The following SNTG1 variants were observed in gnomAD, a reference collection of about 807,000 sequenced individuals.
SNTG1 encodes syntrophin gamma 1.
In SNTG1, 39 loss-of-function variants were observed where a neutral mutation model predicts 74.7. The observed-to-expected ratio is 0.52, with a 90% CI of 0.40 to 0.68. SNTG1 has a LOEUF of 0.68. Among genes scored for constraint, SNTG1 ranks in the 30% least tolerant of loss-of-function variants. The pLI is 0.00. For missense variants in SNTG1, 685 were observed against 609.5 expected (o/e 1.12, Z -1.30); for synonymous variants, 254 against 217.1 (o/e 1.17, Z -1.49).
intron 13 of SNTG1, among the ~76,000 whole-genome samples, chr8:50,647,916 T>TGG (rs2095120549): frequency 6.6e-6 from 1 of 152,222 alleles, no homozygotes; most frequent in East Asian, 1.9e-4. Context: ...AATTAAGAGA[T>TGG]ACACTGTTTC....
At chr8:50,775,124 G>C (rs4573296) in intron 18 of SNTG1, among the ~76,000 whole-genome samples, 65,852 of 151,212 alleles carry the variant, frequency 0.44, 16,557 homozygotes, top group African/African-American at 0.7. Flanking sequence ...TTTACCTTAT[G>C]TATAATTGCA....
chr8:50,316,622 G>T (rs1213390396), intron 2 of SNTG1, among the ~76,000 whole-genome samples: 1 of 152,168 alleles, frequency 6.6e-6, no homozygotes, highest in South Asian at 2.1e-4. Context: ...ATATGACAAA[G>T]AATACACTTA....
chr8:50,256,707 A>G (rs11987580), intron 2 of SNTG1, among the ~76,000 whole-genome samples: 1,984 of 152,192 alleles, frequency 0.013, 47 homozygotes, highest in African/African-American at 0.045. Context: ...CACTCCCAGA[A>G]CTGCATTTTT....
chr8:50,230,175 A>T (rs1423981405), intron 2 of SNTG1, among the ~76,000 whole-genome samples: 1 of 151,508 alleles, frequency 6.6e-6, no homozygotes, highest in East Asian at 1.9e-4. Context: ...CTAGAGAAAA[A>T]GCAATTTTAG....
chr8:50,496,925 C>T (rs1408690595), intron 8 of SNTG1, among the ~76,000 whole-genome samples: 1 of 150,904 alleles, frequency 6.6e-6, no homozygotes, highest in African/African-American at 2.4e-5. Flanking sequence ...CCTGTATTTT[C>T]CAACCTGACA....
intron 18 of SNTG1, among the ~76,000 whole-genome samples, chr8:50,791,089 T>A (rs2095689453): frequency 6.6e-6 from 1 of 151,828 alleles, no homozygotes; most frequent in Non-Finnish European, 1.5e-5. Context: ...TCACATTAGG[T>A]GGATTTAATT....
chr8:50,601,069 A>G (rs1450237030), intron 13 of SNTG1, among the ~76,000 whole-genome samples: 5 of 144,086 alleles, frequency 3.5e-5, no homozygotes, highest in Admixed American at 7.2e-5. Context: ...TGCTTGGGAG[A>G]ATCGCTTGAA....
rs1343338148 is a variant in SNTG1, at chr8:50,597,387, A to ACACG, written c.849+6470_849+6471insCACG. The stretch of plus-strand genomic sequence containing the variant: ...CATATACATGTATATATACACATAT[A>ACACG]TACATATATACATATATACATATAT... On this transcript the variant is annotated intron_variant, in intron 13 of 18. Transcript: ENST00000642720. 2.6e-4 allele frequency among the ~76,000 whole-genome samples: 25 copies of ACACG among 96,072 alleles called. No homozygotes were observed. The African/African-American group carries it at 3.3e-3, about 13-fold the overall frequency. 63.0% of individuals were successfully genotyped at this position (96,072 alleles called of 152,430 possible).
chr8:49,959,653 T>G (rs1222834132), intron 1 of SNTG1, among the ~76,000 whole-genome samples: 1 of 152,250 alleles, frequency 6.6e-6, no homozygotes, highest in Non-Finnish European at 1.5e-5. Context: ...CTAAATAACA[T>G]TCCATTATAT....
In SNTG1 at chr8:49,960,553, C is replaced by T. The variant is rs868562261; in HGVS notation, c.-103+48322C>T. Among the ~76,000 whole-genome samples, 38 of 151,436 alleles carry T rather than the reference C, an allele frequency of 2.5e-4. 1 individual carries two copies. The highest frequency in any genetic ancestry group is 7.3e-5 in the African/African-American group (3 of 41,152). ...GAAAGTTACATTACCTTTGAAAGGA[C>T]GATATGTTGATATCTAGGGTGCCTT... On this transcript the variant is annotated intron_variant, in intron 1 of 18. Transcript: ENST00000642720.
chr8:50,077,373 A>G (rs989594683), intron 1 of SNTG1, among the ~76,000 whole-genome samples: 2 of 152,178 alleles, frequency 1.3e-5, no homozygotes, highest in African/African-American at 4.8e-5. Flanking sequence ...TATACAGGAT[A>G]TTACTAAGAG....
intron 4 of SNTG1, among the ~76,000 whole-genome samples, chr8:50,407,949 T>C (rs565273064): frequency 6.6e-6 from 1 of 152,252 alleles, no homozygotes; most frequent in East Asian, 1.9e-4. Flanking sequence ...GCTGGTCTAC[T>C]AGAATGCAAA....
intron 17 of SNTG1, among the ~76,000 whole-genome samples, chr8:50,729,688 G>A (rs2095508244): frequency 1.3e-5 from 2 of 152,160 alleles, no homozygotes; most frequent in African/African-American, 2.4e-5. Flanking sequence ...AGGTTTGTGA[G>A]TTGGTACACT....
At chr8:50,758,859 A>C (rs928805695) in intron 18 of SNTG1, among the ~76,000 whole-genome samples, 23 of 152,068 alleles carry the variant, frequency 1.5e-4, no homozygotes, top group Admixed American at 1.3e-4. Flanking sequence ...TGCTGGGTCA[A>C]ATGTATTTCT....
At chr8:50,571,216 C>T (rs2094547566) in intron 12 of SNTG1, among the ~76,000 whole-genome samples, 1 of 152,168 alleles carries the variant, frequency 6.6e-6, no homozygotes. Context: ...CACCCCATAG[C>T]ATACCAACGC....
At chr8:50,580,054 C>A (rs766414542) in intron 12 of SNTG1, among the ~76,000 whole-genome samples, 1 of 152,200 alleles carries the variant, frequency 6.6e-6, no homozygotes, top group East Asian at 1.9e-4. Context: ...CCCTGCAAAG[C>A]CACAGGGGTG....
chr8:50,675,174 A>G (rs942959373), intron 15 of SNTG1, among the ~76,000 whole-genome samples: 7 of 152,110 alleles, frequency 4.6e-5, no homozygotes, highest in African/African-American at 1.7e-4. Flanking sequence ...GTAGATGTCT[A>G]TTAGGTCCAC....
intron 11 of SNTG1, among the ~76,000 whole-genome samples, chr8:50,545,090 C>G (rs79739848): frequency 0.052 from 7,868 of 151,934 alleles, 312 homozygotes; most frequent in South Asian, 0.18. Flanking sequence ...AATTATTTAG[C>G]TTGGCTCAAA....
intron 1 of SNTG1, among the ~76,000 whole-genome samples, chr8:50,155,854 G>T (rs2082237050): frequency 6.6e-6 from 1 of 151,874 alleles, no homozygotes; most frequent in East Asian, 1.9e-4. Context: ...GACAAAAGTT[G>T]TTTGAAATGA....
Sources: allele counts gnomAD v4.1 joint callset (sites outside exome capture counted in the v4.1 genomes callset), GRCh38; gene constraint gnomAD v4.1.1; transcripts MANE v1.5; gene names NCBI Gene and HGNC (gene_info 2026-07-23, HGNC 2026-07-21).